Variants in ARMC9 observed in about 807,000 individuals in gnomAD.
The protein encoded by ARMC9 is armadillo repeat containing 9.
In ARMC9, 94 loss-of-function variants were observed where a neutral mutation model predicts 107.0. That is an observed-to-expected ratio of 0.88 (90% confidence interval 0.74 to 1.04). The LOEUF is 1.04. Among genes scored for constraint, ARMC9 ranks in the 50% least tolerant of loss-of-function variants. ARMC9 has a pLI of 0.00. For missense variants in ARMC9, 942 were observed against 1,030.1 expected (o/e 0.91, Z 1.17); for synonymous variants, 380 against 396.9 (o/e 0.96, Z 0.51).
chr2:231,364,083 G>C (rs1488836838), intron 23 of ARMC9, among the ~76,000 whole-genome samples: 1 of 152,226 alleles, frequency 6.6e-6, no homozygotes, highest in Non-Finnish European at 1.5e-5. Context: ...AAGAGCCAAA[G>C]TGCATCCCAA....
chr2:231,234,733 A>G lies in ARMC9; in HGVS notation c.623-491A>G, dbSNP rs556831322. On this transcript the variant is annotated intron_variant, in intron 7 of 24. Coordinates refer to ENST00000611582, the MANE Select transcript of ARMC9 (RefSeq NM_001352754.2). ...ATTCTTGTGCCTCAGCCTCCTGAGT[A>G]GCTGGGATTATAGGCGAGCACCACC... Among the ~76,000 whole-genome samples, 164 of 152,234 alleles carry G rather than the reference A, an allele frequency of 1.1e-3. 1 individual carries two copies. The highest frequency in any genetic ancestry group is 3.8e-3 in the African/African-American group (156 of 41,538).
intron 19 of ARMC9, among the ~76,000 whole-genome samples, chr2:231,302,452 T>G (rs1317293190): frequency 2.1e-5 from 3 of 144,950 alleles, no homozygotes; most frequent in Non-Finnish European, 3.0e-5. Flanking sequence ...TTTTTTTTTT[T>G]TTTTTTTTTT....
intron 5 of ARMC9, 21 bp downstream of exon 5, chr2:231,216,814 C>T (rs377039053): frequency 1.2e-6 from 2 of 1,604,946 alleles, no homozygotes. Context: ...GCTTTTAACT[C>T]TTGTGTCAGA....
chr2:231,244,153 C>G (rs2036549947), intron 9 of ARMC9, among the ~76,000 whole-genome samples: 1 of 152,114 alleles, frequency 6.6e-6, no homozygotes, highest in African/African-American at 2.4e-5. Flanking sequence ...GTTTGGTACA[C>G]TTGATACTGG....
intron 19 of ARMC9, among the ~76,000 whole-genome samples, chr2:231,314,077 T>TG (rs112268832): frequency 1.0e-3 from 153 of 149,758 alleles, no homozygotes; most frequent in African/African-American, 2.0e-3. Flanking sequence ...TTTTTTTTTT[T>TG]TTTTTTGTTT....
In ARMC9 at chr2:231,216,724, TCTTCCTTTCTATGCC is replaced by T; in HGVS notation, c.444_458del (p.Tyr149_Phe153del). On this transcript the variant is annotated inframe_deletion, in exon 5 of 25. Coordinates refer to ENST00000611582, the MANE Select transcript of ARMC9 (RefSeq NM_001352754.2). ...CAGCCTTGAGCCAGACCACAGAGTTTCTTCCTTTCTATGCCCTTCCTTTTGTTCCCAACCCTATGG... is the reference window on the plus strand; with the variant it reads ...CAGCCTTGAGCCAGACCACAGAGTTTCTTCCTTTTGTTCCCAACCCTATGG... 1 of 1,614,070 alleles carries T rather than the reference TCTTCCTTTCTATGCC, an allele frequency of 6.2e-7. No individual in the cohort carries two copies. The highest frequency in any genetic ancestry group is 8.5e-7 in the Non-Finnish European group (1 of 1,179,936).
chr2:231,243,512 C>A (rs1204443037), intron 9 of ARMC9, among the ~76,000 whole-genome samples: 1 of 152,224 alleles, frequency 6.6e-6, no homozygotes, highest in Non-Finnish European at 1.5e-5. Context: ...TCAATACCAT[C>A]TGTCAGGAGA....
At chr2:231,267,698 T>C (rs2038974837) in intron 12 of ARMC9, among the ~76,000 whole-genome samples, 1 of 152,202 alleles carries the variant, frequency 6.6e-6, no homozygotes, top group Non-Finnish European at 1.5e-5. Context: ...AAGGGGGAGC[T>C]AGAACTTCAC....
intron 6 of ARMC9, among the ~76,000 whole-genome samples, chr2:231,226,465 AG>A: frequency 6.6e-6 from 1 of 152,286 alleles, no homozygotes; most frequent in East Asian, 1.9e-4. Flanking sequence ...GCTTGGTAGC[AG>A]TGGGGAAGGC....
chr2:231,352,737 ATAGG>A (rs201319101), intron 21 of ARMC9, among the ~76,000 whole-genome samples: 5,287 of 151,222 alleles, frequency 0.035, 294 homozygotes, highest in African/African-American at 0.12. Context: ...TGGATAGAAG[ATAGG>A]TAGGTAGGTA....
intron 9 of ARMC9, among the ~76,000 whole-genome samples, chr2:231,242,060 A>G (rs2036350478): frequency 6.6e-6 from 1 of 152,216 alleles, no homozygotes; most frequent in South Asian, 2.1e-4. Context: ...TGGCTGAAAT[A>G]GACCATTTCA....
chr2:231,367,220 G>C (rs112373209), intron 23 of ARMC9, among the ~76,000 whole-genome samples: 2,076 of 152,182 alleles, frequency 0.014, 48 homozygotes, highest in African/African-American at 0.047. Flanking sequence ...GTGGCAAATT[G>C]CTCTCCAAAA....
chr2:231,352,613 C>T (rs1038516118), intron 21 of ARMC9, among the ~76,000 whole-genome samples: 2 of 151,198 alleles, frequency 1.3e-5, no homozygotes, highest in Admixed American at 6.6e-5. Context: ...CGTGAGCCAC[C>T]GCACCCACTG....
intron 9 of ARMC9, among the ~76,000 whole-genome samples, chr2:231,252,438 C>T (rs368058994): frequency 8.5e-5 from 13 of 152,094 alleles, no homozygotes; most frequent in South Asian, 2.1e-4. Context: ...TTAGTGGAGA[C>T]GGGGTTTCAC....
chr2:231,362,104 C>T lies in ARMC9; in HGVS notation c.2261+1221C>T, dbSNP rs74914871. Among the ~76,000 whole-genome samples the T allele has an allele frequency of 3.8e-3, 582 of 152,242 alleles. 3 individuals carry two copies. The highest frequency in any genetic ancestry group is 0.013 in the African/African-American group (555 of 41,538). ...CTGCATTACTGGGGGAGGGGCCAAG[C>T]CTCTGGACTCCTCCAGTTCCACTGC... On this transcript the variant is annotated intron_variant, in intron 23 of 24. Transcript: ENST00000611582. The surrounding 1 kb of genome is among the most constrained non-coding windows in gnomAD (Gnocchi z 4.7).
intron 3 of ARMC9, 102 bp from the exon 4 acceptor site, chr2:231,214,729 C>A: frequency 1.6e-6 from 2 of 1,226,896 alleles, no homozygotes; most frequent in Non-Finnish European, 2.3e-6. Flanking sequence ...TCCTTTACCA[C>A]TGAAAAGGAG....
chr2:231,336,006 G>T (rs1402933575), intron 20 of ARMC9, among the ~76,000 whole-genome samples: 1 of 152,078 alleles, frequency 6.6e-6, no homozygotes, highest in Admixed American at 6.6e-5. Context: ...CTGAGCCCAG[G>T]AGATGGAGGC....
chr2:231,241,456 C>G (rs1322608521), intron 9 of ARMC9, among the ~76,000 whole-genome samples: 1 of 152,004 alleles, frequency 6.6e-6, no homozygotes, highest in African/African-American at 2.4e-5. Context: ...CTGCCCCATT[C>G]ACAGGCTGCG....
chr2:231,218,081 C>T (rs1243783097), intron 5 of ARMC9, among the ~76,000 whole-genome samples: 1 of 152,248 alleles, frequency 6.6e-6, no homozygotes, highest in East Asian at 1.9e-4. Context: ...AATCCCAGTA[C>T]ATTTCAGCAT....
Sources: gnomAD v4.1 joint callset for allele counts (sites outside exome capture counted in the v4.1 genomes callset) on GRCh38, gnomAD v4.1.1 for gene constraint, Gnocchi (gnomAD v3.1) non-coding constraint, MANE v1.5 for transcripts, NCBI Gene and HGNC (gene_info 2026-07-23, HGNC 2026-07-21) for gene names.